The following ACOT7 variants were observed in gnomAD, a reference collection of about 807,000 sequenced individuals.
ACOT7 encodes the protein cytosolic acyl coenzyme A thioester hydrolase.
Under a neutral mutation model 40.2 loss-of-function variants are expected in ACOT7, and 12 were observed. That is an observed-to-expected ratio of 0.30 (90% CI 0.19 to 0.48). ACOT7 has a LOEUF of 0.48. Ranked by LOEUF, ACOT7 falls within the 20% of genes least tolerant of loss-of-function variation. The pLI is 0.99. For synonymous variants in ACOT7, 228 were observed against 219.5 expected, an observed-to-expected ratio of 1.04 and a Z score of -0.34; for missense variants, 395 against 530.8, an observed-to-expected ratio of 0.74 and a Z score of 2.51.
intron 4 of ACOT7, 108 bp from the exon 5 acceptor site, chr1:6,327,521 T>C: frequency 1.1e-6 from 1 of 876,156 alleles, no homozygotes; most frequent in Non-Finnish European, 1.8e-6. Context: ...GGGACTATTT[T>C]TTCTTCTGTT....
Position 6,332,769 on chromosome 1 carries a change from C to T in ACOT7, c.510+708G>A, listed in dbSNP as rs533213531. Among the ~76,000 whole-genome samples the T allele has an allele frequency of 3.3e-5, 5 of 151,342 alleles. No homozygotes were observed. In the South Asian group the frequency reaches 8.3e-4, roughly 25 times the overall value. ...GTGGGAGGCGGAGCTTGCAGTGAGC[C>T]GAGATCGCGCCACTGCACTCCAGCC... On this transcript the variant is annotated intron_variant, in intron 4 of 8. Coordinates refer to ENST00000361521, the MANE Select transcript of ACOT7 (RefSeq NM_007274.4).
chr1:6,366,748 C>T (rs111774890), intron 1 of ACOT7, among the ~76,000 whole-genome samples: 13,952 of 151,656 alleles, frequency 0.092, 946 homozygotes, highest in African/African-American at 0.19. Flanking sequence ...CTCCGTCTCC[C>T]GAGTTCAAGT....
intron 3 of ACOT7, 101 bp downstream of exon 3, chr1:6,339,332 A>T: frequency 6.5e-7 from 1 of 1,537,638 alleles, no homozygotes; most frequent in Non-Finnish European, 8.8e-7. Context: ...CATTGGTGGA[A>T]AAGGGGCCAG....
intron 7 of ACOT7, among the ~76,000 whole-genome samples, chr1:6,291,326 C>G (rs760612862): frequency 5.3e-5 from 8 of 151,908 alleles, no homozygotes; most frequent in East Asian, 1.9e-4. Flanking sequence ...GAGGAAGAGG[C>G]CTTGTGACCA....
At chr1:6,388,900 G>A (rs1311621266) in intron 1 of ACOT7, among the ~76,000 whole-genome samples, 1 of 151,948 alleles carries the variant, frequency 6.6e-6, no homozygotes, top group African/African-American at 2.4e-5. Context: ...AATTAGCCGG[G>A]TGTGGTGGCG....
intron 1 of ACOT7, among the ~76,000 whole-genome samples, chr1:6,378,953 T>TG (rs1642285932): frequency 1.3e-5 from 2 of 151,688 alleles, no homozygotes; most frequent in Admixed American, 6.6e-5. Context: ...TGGAGTGCAG[T>TG]GGCGCAATCT....
At chr1:6,283,646 C>T (rs1639418294) in intron 7 of ACOT7, among the ~76,000 whole-genome samples, 1 of 152,176 alleles carries the variant, frequency 6.6e-6, no homozygotes, top group Non-Finnish European at 1.5e-5. Flanking sequence ...GACGTAACAA[C>T]AAAAAGAAGA....
At chr1:6,318,180 C>T (rs1397572338) in intron 6 of ACOT7, among the ~76,000 whole-genome samples, 2 of 152,186 alleles carry the variant, frequency 1.3e-5, no homozygotes, top group African/African-American at 2.4e-5. Flanking sequence ...CTCAGCCTCC[C>T]AGTAGCTGGG....
intron 2 of ACOT7, among the ~76,000 whole-genome samples, chr1:6,343,899 G>A (rs1032306960): frequency 6.6e-6 from 1 of 152,270 alleles, no homozygotes; most frequent in African/African-American, 2.4e-5. Flanking sequence ...GCCTCTCAGT[G>A]CTGGGTGTAC....
At chr1:6,354,515 T>C (rs149491219) in intron 1 of ACOT7, among the ~76,000 whole-genome samples, 376 of 152,284 alleles carry the variant, frequency 2.5e-3, no homozygotes, top group Middle Eastern at 0.024. Flanking sequence ...TGAGACAAAG[T>C]CTGGATCCAT....
chr1:6,376,841 C>T lies in ACOT7; in HGVS notation c.143+16416G>A, dbSNP rs545830546. ...AACCTGGGAGGCAGAGCGAACATGG[C>T]GACAGAGTGAGACTCTGTCTAAAAA... On this transcript the variant is annotated intron_variant, in intron 1 of 8. Coordinates refer to ENST00000361521, the MANE Select transcript of ACOT7 (RefSeq NM_007274.4). 2.5e-4 allele frequency among the ~76,000 whole-genome samples: 38 copies of T among 151,442 alleles called. No homozygotes were observed. The East Asian group carries it at 6.0e-3, about 24-fold the overall frequency.
At chr1:6,392,017 G>A (rs1010468910) in intron 1 of ACOT7, among the ~76,000 whole-genome samples, 3 of 151,958 alleles carry the variant, frequency 2.0e-5, no homozygotes, top group African/African-American at 7.3e-5. Context: ...AAGTCAAAGG[G>A]GCAGGGCTCC....
chr1:6,304,809 C>T (rs1279717551), intron 6 of ACOT7, among the ~76,000 whole-genome samples: 9 of 138,214 alleles, frequency 6.5e-5, no homozygotes, highest in East Asian at 2.1e-4. Flanking sequence ...TACACAGACA[C>T]GGCAACCATC....
chr1:6,267,668 A>G (rs1229838703), intron 8 of ACOT7, among the ~76,000 whole-genome samples: 2 of 152,218 alleles, frequency 1.3e-5, no homozygotes, highest in African/African-American at 4.8e-5. Flanking sequence ...GCCTTTCTCA[A>G]ACTGAGCTGG....
chr1:6,328,676 C>T (rs1159676323), intron 4 of ACOT7, among the ~76,000 whole-genome samples: 3 of 151,968 alleles, frequency 2.0e-5, no homozygotes, highest in South Asian at 2.1e-4. Flanking sequence ...AGCGAGACTC[C>T]GTCTAAAAAA....
rs1397527209 is a variant in ACOT7, at chr1:6,275,679, T to G, written c.1014+5423A>C. 1.4e-5 allele frequency among the ~76,000 whole-genome samples: 2 copies of G among 141,798 alleles called. No individual in the cohort carries two copies. The highest frequency in any genetic ancestry group is 5.4e-5 in the African/African-American group (2 of 37,350). 93.0% of individuals were successfully genotyped at this position (141,798 alleles called of 152,430 possible). ...TTGCAGTGAGCCGAGATCCAGCCAT[T>G]GCACTCCAGGTTGGGCGACAGAGTG... On this transcript the variant is annotated intron_variant, in intron 8 of 8. Coordinates refer to ENST00000361521, the MANE Select transcript of ACOT7 (RefSeq NM_007274.4). The surrounding 1 kb of genome is among the most constrained non-coding windows in gnomAD (Gnocchi z 5.6).
At chr1:6,336,333 C>CAA (rs3029068) in intron 3 of ACOT7, among the ~76,000 whole-genome samples, 617 of 51,842 alleles carry the variant, frequency 0.012, 19 homozygotes, top group African/African-American at 0.038. Context: ...GACTCGGTCT[C>CAA]AAAAAAAAAA....
intron 1 of ACOT7, among the ~76,000 whole-genome samples, chr1:6,373,296 G>T (rs1367082972): frequency 6.6e-6 from 1 of 152,056 alleles, no homozygotes; most frequent in Admixed American, 6.5e-5. Context: ...TGTTGCCCAG[G>T]CTAGAGTGTA....
chr1:6,273,622 G>A (rs781538671), intron 8 of ACOT7, among the ~76,000 whole-genome samples: 7 of 148,278 alleles, frequency 4.7e-5, no homozygotes, highest in Admixed American at 4.0e-4. Flanking sequence ...GGAACACACC[G>A]TCAACCTTCT....
Sources: allele counts gnomAD v4.1 joint callset (sites outside exome capture counted in the v4.1 genomes callset), GRCh38; gene constraint gnomAD v4.1.1; non-coding constraint Gnocchi (gnomAD v3.1); transcripts MANE v1.5; gene names NCBI Gene and HGNC (gene_info 2026-07-23, HGNC 2026-07-21).